Variants in SETD1B observed in about 807,000 individuals in gnomAD.
SETD1B encodes SET domain containing 1B, histone lysine methyltransferase.
A neutral mutation model predicts 148.0 loss-of-function variants in SETD1B; 7 were observed. The observed-to-expected ratio is 0.05, with a 90% CI of 0.03 to 0.09. The LOEUF (loss-of-function observed/expected upper bound fraction) is 0.09. Ranked by LOEUF, SETD1B falls within the 10% of genes least tolerant of loss-of-function variation. SETD1B has a pLI of 1.00. For missense variants in SETD1B, 2,155 were observed against 2,729.9 expected (o/e 0.79, Z 4.69); for synonymous variants, 1,361 against 1,186.5 (o/e 1.15, Z -3.02).
intron 10 of SETD1B, among the ~76,000 whole-genome samples, chr12:121,818,438 C>G (rs559445818): frequency 6.6e-6 from 1 of 151,880 alleles, no homozygotes; most frequent in Non-Finnish European, 1.5e-5. Context: ...TGGTGGGCAC[C>G]TGTAATCCCA....
chr12:121,820,960 G>A (rs1011427577), intron 11 of SETD1B, among the ~76,000 whole-genome samples: 6 of 152,186 alleles, frequency 3.9e-5, no homozygotes, highest in African/African-American at 1.2e-4. Flanking sequence ...GGTGGGATGC[G>A]AAACCCACTG....
the SETD1B span, chr12:121,793,144 G>A: frequency 6.5e-7 from 1 of 1,548,768 alleles, no homozygotes; most frequent in Non-Finnish European, 8.7e-7. Context: ...GCGCGCAGGC[G>A]CACTCACCGG....
chr12:121,826,500 G>A (rs1876847450), intron 13 of SETD1B, among the ~76,000 whole-genome samples: 1 of 152,202 alleles, frequency 6.6e-6, no homozygotes, highest in Admixed American at 6.5e-5. Flanking sequence ...AAGGCCCTGA[G>A]GCAGCAGGGA....
chr12:121,818,888 T>G (rs1876428845), intron 10 of SETD1B, among the ~76,000 whole-genome samples: 1 of 125,322 alleles, frequency 8.0e-6, no homozygotes, highest in Non-Finnish European at 1.7e-5. Flanking sequence ...AGACTCCGTC[T>G]CAAAAAAAAA....
intron 13 of SETD1B, 96 bp from the exon 14 acceptor site, chr12:121,827,423 G>A: frequency 1.7e-5 from 24 of 1,415,386 alleles, no homozygotes; most frequent in Non-Finnish European, 1.9e-5. Context: ...AGAGCAAGGA[G>A]CCCAGGACAC....
chr12:121,830,013 G>A lies in SETD1B; in HGVS notation c.5728-53G>A, dbSNP rs1046331411. ...GGTTGGGTTTGGGGGGTCTGCAGTG[G>A]TGGGGGACCCTGGGGGACCAGGGGC... is the stretch of plus-strand genomic sequence containing the variant. On this transcript the variant is annotated intron_variant, in intron 16 of 16. Transcript: ENST00000604567. This position sits in a 1 kb window ranked among gnomAD's most constrained non-coding sequence, Gnocchi z 5.7. The A allele has an allele frequency of 9.2e-6, 14 of 1,516,932 alleles. No homozygotes were observed. The African/African-American group carries it at 1.7e-4, about 18-fold the overall frequency. 94.0% of individuals were successfully genotyped at this position (1,516,932 alleles called of 1,614,324 possible). A position where few individuals can be genotyped will look rare whatever the true frequency, so the allele number is the denominator to read the frequency against.
At chr12:121,796,620 A>G in the SETD1B span, among the ~76,000 whole-genome samples, 6 of 152,208 alleles carry the variant, frequency 3.9e-5, no homozygotes, top group African/African-American at 1.4e-4. Context: ...TGGCAAATAC[A>G]TCTACCCTGC....
At chr12:121,809,240 C>T (rs772233797) in intron 5 of SETD1B, among the ~76,000 whole-genome samples, 4 of 152,166 alleles carry the variant, frequency 2.6e-5, no homozygotes, top group African/African-American at 9.7e-5. Flanking sequence ...GCCATCCTCT[C>T]GTGCACAAGA....
At chr12:121,794,983 CCA>C in the SETD1B span, among the ~76,000 whole-genome samples, 1 of 152,192 alleles carries the variant, frequency 6.6e-6, no homozygotes, top group Non-Finnish European at 1.5e-5. Flanking sequence ...CCGAAGACTC[CCA>C]GTTTTCAAGG....
Position 121,805,768 on chromosome 12 carries a change from G to C in SETD1B, c.274-67G>C. The C allele has an allele frequency of 7.0e-7, 1 of 1,436,902 alleles. No homozygotes were observed. The highest frequency in any genetic ancestry group is 9.4e-7 in the Non-Finnish European group (1 of 1,067,046). 89.0% of individuals were successfully genotyped at this position (1,436,902 alleles called of 1,614,324 possible). A position where few individuals can be genotyped will look rare whatever the true frequency, so the allele number is the denominator to read the frequency against. ...GTGGGCGAGTTGCGGGCGGGGCGGG[G>C]GGGATGTTGTGTTTTCCCTTAGGTT... On this transcript the variant is annotated intron_variant, in intron 3 of 16. Transcript: ENST00000604567. This position sits in a 1 kb window ranked among gnomAD's most constrained non-coding sequence, Gnocchi z 4.2.
Position 121,830,008 on chromosome 12 carries a change from C to A in SETD1B, c.5728-58C>A. The A allele has an allele frequency of 6.7e-7, 1 of 1,493,436 alleles. No individual in the cohort carries two copies. Among genetic ancestry groups the A allele is most frequent in the South Asian group, 1.3e-5 (1 of 78,552 alleles). The allele number at this position is 1,493,436 out of a possible 1,614,324, so 92.5% of individuals were successfully genotyped here. A position where few individuals can be genotyped will look rare whatever the true frequency, so the allele number is the denominator to read the frequency against. On this transcript the variant is annotated intron_variant, in intron 16 of 16. Coordinates refer to ENST00000604567, the MANE Select transcript of SETD1B (RefSeq NM_001353345.2). The surrounding 1 kb of genome is among the most constrained non-coding windows in gnomAD (Gnocchi z 5.7). ...GGCCTGGTTGGGTTTGGGGGGTCTG[C>A]AGTGGTGGGGGACCCTGGGGGACCA...
At chr12:121,806,857 A>G (rs1875770060) in intron 4 of SETD1B, among the ~76,000 whole-genome samples, 4 of 152,162 alleles carry the variant, frequency 2.6e-5, no homozygotes, top group African/African-American at 9.7e-5. Context: ...TGCAGGACCA[A>G]GGGGCTTGGA....
In SETD1B at chr12:121,819,873, A is replaced by G. The variant is rs1390646772; in HGVS notation, c.3888A>G (p.Pro1296=). The G allele has an allele frequency of 7.7e-6, 12 of 1,550,854 alleles. No individual in the cohort carries two copies. The highest frequency in any genetic ancestry group is 9.6e-6 in the Non-Finnish European group (11 of 1,146,752). ...CCAAGGAGGTGGAGGCTCGACCCCC[A>G]TTGTCCCCTGAGCGAGCTCCAGGTA... ...PPAKEVEARP[P]LSPERAPEHD... The change falls in exon 11 of 17, where the codon CCA becomes CCG. Residue 1296 remains proline (P), a synonymous_variant. Coordinates refer to ENST00000604567, the MANE Select transcript of SETD1B (RefSeq NM_001353345.2).
Position 121,810,326 on chromosome 12 carries a change from A to T in SETD1B, c.1381A>T (p.Ser461Cys), listed in dbSNP as rs1875967010. 1 of 1,544,642 alleles carries T rather than the reference A, an allele frequency of 6.5e-7. No individual in the cohort carries two copies. The highest frequency in any genetic ancestry group is 1.4e-5 in the African/African-American group (1 of 72,854). The change falls in exon 6 of 17, where the codon AGC becomes TGC. Residue 461 changes from serine (S) to cysteine (C), a missense_variant. By Grantham distance (112) the Ser-to-Cys change is moderately radical. Transcript: ENST00000604567. The surrounding 1 kb of genome is among the most constrained non-coding windows in gnomAD (Gnocchi z 7.6). ...PPGPPPPDTN[S>C]MELGGRPTFG... The stretch of plus-strand genomic sequence containing the variant: ...CGGCCCGCCGCCCCCCGACACCAAC[A>T]GCATGGAGCTGGGCGGCCGGCCCAC...
chr12:121,793,295 C>T, the SETD1B span: 8 of 1,498,376 alleles, frequency 5.3e-6, no homozygotes, highest in African/African-American at 8.3e-5. Context: ...GCCAAAGTTC[C>T]AGCTGAATCC....
rs1407399273 is a variant in SETD1B, at chr12:121,823,016, C to T, written c.4437C>T (p.Pro1479=). Residue 1479 remains proline (P), a synonymous_variant, in exon 12 of 17, where the codon CCC becomes CCT. Coordinates refer to ENST00000604567, the MANE Select transcript of SETD1B (RefSeq NM_001353345.2). ...ETGLPLPLPL[P]LPLPLALPAV... is the part of the protein sequence containing the mutation. ...GCCTGCCCCTCCCTCTGCCCCTTCC[C>T]CTGCCCTTGCCCTTGGCATTGCCCG... 7 of 1,521,180 alleles carry T rather than the reference C, an allele frequency of 4.6e-6. No homozygotes were observed. In the South Asian group the frequency reaches 7.4e-5, roughly 16 times the overall value. The allele number at this position is 1,521,180 out of a possible 1,614,324, so 94.2% of individuals were successfully genotyped here.
intron 16 of SETD1B, among the ~76,000 whole-genome samples, chr12:121,829,481 T>C (rs912206210): frequency 3.9e-5 from 6 of 152,200 alleles, no homozygotes; most frequent in African/African-American, 1.4e-4. Context: ...GAGCAGATCA[T>C]GCTTTAGGTG....
At chr12:121,797,472 G>GGGGGGACAAAGAAAGAA in the SETD1B span, 3 of 456,374 alleles carry the variant, frequency 6.6e-6, no homozygotes, top group South Asian at 1.5e-5. Context: ...AGGTGATGGT[G>GGGGGGACAAAGAAAGAA]GGGGGACAAA....
chr12:121,804,222 C>T lies in SETD1B; in HGVS notation c.-26C>T, dbSNP rs1353000190. The T allele has an allele frequency of 1.3e-5, 2 of 148,432 alleles. No homozygotes were observed. The highest frequency in any genetic ancestry group is 3.0e-5 in the Non-Finnish European group (2 of 66,352). 9.2% of individuals were successfully genotyped at this position (148,432 alleles called of 1,614,324 possible). On this transcript the variant is annotated 5_prime_UTR_variant, in exon 1 of 17. Transcript: ENST00000604567. This position sits in a 1 kb window ranked among gnomAD's most constrained non-coding sequence, Gnocchi z 4.6. ...GGCTGGCGGCGCAGGGAGGCCGGCG[C>T]CCGGCGGGGATGTAAGCGCGGCTCG...
Sources: gnomAD v4.1 joint callset for allele counts (sites outside exome capture counted in the v4.1 genomes callset) on GRCh38, gnomAD v4.1.1 for gene constraint, Gnocchi (gnomAD v3.1) non-coding constraint, MANE v1.5 for transcripts, NCBI Gene and HGNC (gene_info 2026-07-23, HGNC 2026-07-21) for gene names.